The following RBM44 variants were observed in gnomAD, a reference collection of about 807,000 sequenced individuals.
RBM44 encodes RNA-binding protein 44.
RBM44 carries 66 observed loss-of-function variants against 105.1 expected under a neutral mutation model. The ratio of observed to expected loss-of-function variants is 0.63; its 90% CI spans 0.52 to 0.77. RBM44 has a LOEUF of 0.77. RBM44 is among the 30% of genes least tolerant of loss of function. The pLI is 0.00. For synonymous variants in RBM44, 365 were observed against 417.6 expected, an observed-to-expected ratio of 0.87 and a Z score of 1.54; for missense variants, 1,122 against 1,207.8, an observed-to-expected ratio of 0.93 and a Z score of 1.05.
intron 10 of RBM44, among the ~76,000 whole-genome samples, chr2:237,826,240 A>G (rs1473863079): frequency 6.6e-6 from 1 of 152,140 alleles, no homozygotes; most frequent in Admixed American, 6.6e-5. Flanking sequence ...AAGCTACTTT[A>G]AGGATTTATT....
intron 1 of RBM44, among the ~76,000 whole-genome samples, chr2:237,804,567 G>T (rs919058633): frequency 2.0e-5 from 3 of 152,050 alleles, no homozygotes; most frequent in African/African-American, 7.2e-5. Flanking sequence ...TTTTATATTT[G>T]TTAGCTGCTC....
intron 15 of RBM44, among the ~76,000 whole-genome samples, chr2:237,840,032 T>C (rs2061996220): frequency 6.6e-6 from 1 of 151,404 alleles, no homozygotes; most frequent in Non-Finnish European, 1.5e-5. Flanking sequence ...CCACAAAAAA[T>C]ACGAAAATTA....
At chr2:237,830,596 A>G (rs999919300) in intron 13 of RBM44, among the ~76,000 whole-genome samples, 1 of 152,036 alleles carries the variant, frequency 6.6e-6, no homozygotes, top group African/African-American at 2.4e-5. Context: ...TGAGGTAATT[A>G]TTGTTTATTT....
chr2:237,829,588 C>A, intron 13 of RBM44, 86 bp downstream of exon 13: 1 of 1,191,332 alleles, frequency 8.4e-7, no homozygotes, highest in African/African-American at 1.5e-5. Flanking sequence ...CTTCAATATG[C>A]AGTCTTGAAA....
intron 1 of RBM44, among the ~76,000 whole-genome samples, chr2:237,799,678 G>A (rs1336005452): frequency 6.6e-6 from 1 of 152,194 alleles, no homozygotes; most frequent in Non-Finnish European, 1.5e-5. Flanking sequence ...CTAACACAGA[G>A]CCCGGACCGT....
chr2:237,807,620 T>C (rs1396771856), intron 1 of RBM44, among the ~76,000 whole-genome samples: 1 of 152,020 alleles, frequency 6.6e-6, no homozygotes, highest in Non-Finnish European at 1.5e-5. Context: ...TTTGAGAGGA[T>C]AGGCTGTGCT....
Position 237,817,104 on chromosome 2 carries a change from G to C in RBM44, c.185G>C (p.Arg62Thr), listed in dbSNP as rs1559911384. 1 of 1,609,452 alleles carries C rather than the reference G, an allele frequency of 6.2e-7. No individual in the cohort carries two copies. The highest frequency in any genetic ancestry group is 8.5e-7 in the Non-Finnish European group (1 of 1,178,174). ...DDWNSSTLEQ[R>T]ANNKEISNID... Reference sequence around the variant, plus strand: ...TGGAATTCTTCGACACTAGAGCAAAGAGCTAATAATAAAGAAATCAGCAAT... The same window carrying C: ...TGGAATTCTTCGACACTAGAGCAAACAGCTAATAATAAAGAAATCAGCAAT... Residue 62 changes from arginine to threonine, a missense_variant, in exon 3 of 16, where the codon AGA becomes ACA. By Grantham distance (71) the Arg-to-Thr change is moderately conservative (BLOSUM62 -1). Coordinates refer to ENST00000316997, the MANE Select transcript of RBM44 (RefSeq NM_001080504.3).
chr2:237,821,117 C>A lies in RBM44; in HGVS notation c.1960C>A (p.Leu654Met). 1 of 1,607,920 alleles carries A rather than the reference C, an allele frequency of 6.2e-7. No individual in the cohort carries two copies. Among genetic ancestry groups the A allele is most frequent in the South Asian group, 1.1e-5 (1 of 89,664 alleles). ...TAAGAAGGAATTGGGATCAGCACTACTGTCTCTTTTGGGGGACTTAAAAGT... is the reference window on the plus strand; with the variant it reads ...TAAGAAGGAATTGGGATCAGCACTAATGTCTCTTTTGGGGGACTTAAAAGT... The part of the protein sequence containing the change: ...SAKKELGSAL[L>M]SLLGDLKVRY... Residue 654 changes from leucine (L) to methionine (M), a missense_variant, in exon 6 of 16, where the codon CTG becomes ATG. Coordinates refer to ENST00000316997, the MANE Select transcript of RBM44 (RefSeq NM_001080504.3).
chr2:237,825,705 T>A (rs897015851), intron 10 of RBM44, among the ~76,000 whole-genome samples: 1 of 152,166 alleles, frequency 6.6e-6, no homozygotes, highest in Non-Finnish European at 1.5e-5. Context: ...GCCCATTGGA[T>A]ATTCATTAGC....
chr2:237,817,735 A>G lies in RBM44; in HGVS notation c.816A>G (p.Glu272=). 6.2e-7 allele frequency: 1 copy of G among 1,612,464 alleles called. No homozygotes were observed. Among genetic ancestry groups the G allele is most frequent in the Non-Finnish European group, 8.5e-7 (1 of 1,179,162 alleles). Residue 272 remains glutamate, a synonymous_variant, in exon 3 of 16, where the codon GAA becomes GAG. Transcript: ENST00000316997. The part of the protein sequence containing the change: ...SKFQNSVMLR[E]YHDLKHEKYK... ...TTCAGAATTCTGTTATGTTAAGAGAATATCATGACCTAAAGCATGAAAAGT... is the reference window on the plus strand; with the variant it reads ...TTCAGAATTCTGTTATGTTAAGAGAGTATCATGACCTAAAGCATGAAAAGT...
intron 1 of RBM44, among the ~76,000 whole-genome samples, chr2:237,808,896 T>G (rs1001167948): frequency 6.6e-6 from 1 of 152,204 alleles, no homozygotes; most frequent in Non-Finnish European, 1.5e-5. Flanking sequence ...AAAATAATTC[T>G]TCAGTGAACA....
At chr2:237,829,563 T>C in intron 13 of RBM44, 61 bp downstream of exon 13, 1 of 1,409,780 alleles carries the variant, frequency 7.1e-7, no homozygotes, top group South Asian at 1.4e-5. Context: ...GTAAGTAGCT[T>C]TGTAGAATAA....
chr2:237,823,796 A>G (rs2061818224), intron 9 of RBM44, among the ~76,000 whole-genome samples: 1 of 152,166 alleles, frequency 6.6e-6, no homozygotes, highest in South Asian at 2.1e-4. Context: ...TGTTTTTAGT[A>G]TGAAAATTCT....
chr2:237,827,651 T>G, intron 12 of RBM44, 148 bp downstream of exon 12: 1 of 610,138 alleles, frequency 1.6e-6, no homozygotes, highest in Non-Finnish European at 2.9e-6. Context: ...TAGGGACAAA[T>G]AGCTGCAATC....
intron 4 of RBM44, among the ~76,000 whole-genome samples, chr2:237,819,743 A>C (rs1360439860): frequency 6.6e-6 from 1 of 151,998 alleles, no homozygotes; most frequent in Non-Finnish European, 1.5e-5. Context: ...ATTTTCTATT[A>C]AAAAGATAAT....
At position 237,827,275 on chromosome 2, in the gene RBM44, A is replaced by G. The variant is rs1576512948; in HGVS notation, c.2475A>G (p.Gln825=). 6.3e-7 allele frequency: 1 copy of G among 1,589,926 alleles called. No homozygotes were observed. The highest frequency in any genetic ancestry group is 2.2e-5 in the East Asian group (1 of 44,602). Residue 825 remains glutamine (Q), a synonymous_variant, in exon 11 of 16, where the codon CAA becomes CAG. Transcript: ENST00000316997. ...TGEMKNVEPS[Q]RDKGYLIHVG... ...AAATGAAGAATGTTGAACCCTCACA[A>G]AGAGATAAAGGTTATTTGATACATG...
intron 2 of RBM44, among the ~76,000 whole-genome samples, chr2:237,814,635 C>A (rs184178336): frequency 1.2e-4 from 18 of 152,068 alleles, no homozygotes; most frequent in Non-Finnish European, 1.5e-5. Context: ...AACAGTAATA[C>A]AGTCATACAA....
At chr2:237,812,357 G>A (rs1436458771) in intron 1 of RBM44, among the ~76,000 whole-genome samples, 3 of 152,060 alleles carry the variant, frequency 2.0e-5, no homozygotes, top group Non-Finnish European at 1.5e-5. Flanking sequence ...TTAATAATAA[G>A]CATCTAAAGC....
intron 12 of RBM44, among the ~76,000 whole-genome samples, chr2:237,828,309 A>C (rs550415443): frequency 3.3e-5 from 5 of 152,118 alleles, no homozygotes; most frequent in Non-Finnish European, 7.4e-5. Flanking sequence ...TGGGGTTGCA[A>C]TTTATTAAAA....
Sources: allele counts gnomAD v4.1 joint callset (sites outside exome capture counted in the v4.1 genomes callset), GRCh38; gene constraint gnomAD v4.1.1; transcripts MANE v1.5; gene names NCBI Gene and HGNC (gene_info 2026-07-23, HGNC 2026-07-21).